The following SOX5 variants were observed in gnomAD, a reference collection of about 807,000 sequenced individuals.
SOX5 encodes the protein SRY-box transcription factor 5.
In SOX5, 9 loss-of-function variants were observed where a neutral mutation model predicts 92.0. The ratio of observed to expected loss-of-function variants is 0.10; its 90% CI spans 0.06 to 0.17. SOX5 has a LOEUF of 0.17. Among genes scored for constraint, SOX5 ranks in the 10% least tolerant of loss-of-function variants. The pLI, the probability that SOX5 is intolerant of heterozygous loss-of-function variation, is 1.00. For missense variants in SOX5, 642 were observed against 944.5 expected, an observed-to-expected ratio of 0.68 and a Z score of 4.20; for synonymous variants, 344 against 336.3, an observed-to-expected ratio of 1.02 and a Z score of -0.25.
intron 6 of SOX5, among the ~76,000 whole-genome samples, chr12:23,701,315 C>G (rs2140209451): frequency 6.6e-6 from 1 of 152,028 alleles, no homozygotes; most frequent in African/African-American, 2.4e-5. Context: ...CATACACAAG[C>G]TTTTCTTAAG....
At position 24,181,066 on chromosome 12, in the gene SOX5, C is replaced by T. The variant is rs74621044; in HGVS notation, c.-2+32277G>A. The stretch of plus-strand genomic sequence containing the variant: ...CAACACAATCTGTCTACATCCCCTG[C>T]TTCTCATCTAAAGAGCAAGATATTC... On this transcript the variant is annotated intron_variant, in intron 4 of 4. Coordinates refer to the SOX5 transcript ENST00000446891. Among the ~76,000 whole-genome samples the T allele has an allele frequency of 4.6e-5, 7 of 152,324 alleles. No individual in the cohort carries two copies. In the East Asian group the frequency reaches 1.4e-3, roughly 29 times the overall value.
intron 8 of SOX5, among the ~76,000 whole-genome samples, chr12:23,628,228 G>C (rs2078083463): frequency 6.6e-6 from 1 of 151,842 alleles, no homozygotes; most frequent in South Asian, 2.1e-4. Flanking sequence ...TTAAACCAAA[G>C]AATGAAAACC....
At chr12:24,178,244 CTTT>C (rs5797065) in intron 4 of SOX5, among the ~76,000 whole-genome samples, 13,212 of 109,576 alleles carry the variant, frequency 0.12, 755 homozygotes, top group Admixed American at 0.18. Context: ...AAGAGCTTGA[CTTT>C]TTTTTTTTTT....
intron 4 of SOX5, among the ~76,000 whole-genome samples, chr12:23,963,765 T>TAAAAAAAAAAAAAAAAAAAAAAAAAAAA (rs60053598): frequency 7.9e-6 from 1 of 125,856 alleles, no homozygotes. Context: ...ATGAATGAAG[T>TAAAAAAAAAAAAAAAAAAAAAAAAAAAA]AAAAAAAAAA....
At chr12:24,013,316 C>T (rs956654113) in intron 4 of SOX5, among the ~76,000 whole-genome samples, 25 of 152,196 alleles carry the variant, frequency 1.6e-4, no homozygotes, top group Admixed American at 7.9e-4. Context: ...TGTATATTTA[C>T]GAAACTTACT....
chr12:23,638,906 T>C (rs1278547020), intron 8 of SOX5, among the ~76,000 whole-genome samples: 1 of 151,902 alleles, frequency 6.6e-6, no homozygotes, highest in East Asian at 1.9e-4. Flanking sequence ...AAAAAACAAC[T>C]TTTTTATATG....
chr12:23,984,404 G>A (rs910085622), intron 4 of SOX5, among the ~76,000 whole-genome samples: 2 of 152,216 alleles, frequency 1.3e-5, no homozygotes, highest in African/African-American at 4.8e-5. Flanking sequence ...CTTCTAAACT[G>A]AAGCTGAGCT....
At chr12:23,942,410 A>G (rs539137329) in intron 1 of SOX5, among the ~76,000 whole-genome samples, 1 of 152,050 alleles carries the variant, frequency 6.6e-6, no homozygotes, top group East Asian at 1.9e-4. Flanking sequence ...GTAAACACTG[A>G]CAACATTCTG....
chr12:23,727,886 C>T (rs550126107), intron 6 of SOX5, among the ~76,000 whole-genome samples: 1 of 152,034 alleles, frequency 6.6e-6, no homozygotes, highest in Non-Finnish European at 1.5e-5. Context: ...AGCCATGTAG[C>T]ACGTGTTGTA....
intron 6 of SOX5, among the ~76,000 whole-genome samples, chr12:23,706,056 T>C (rs1198521988): frequency 1.3e-5 from 2 of 152,054 alleles, no homozygotes; most frequent in East Asian, 3.9e-4. Context: ...GTGAGATTAA[T>C]GACATGGTTG....
chr12:23,804,621 A>T (rs999777465), intron 3 of SOX5, among the ~76,000 whole-genome samples: 1 of 151,842 alleles, frequency 6.6e-6, no homozygotes, highest in Admixed American at 6.6e-5. Flanking sequence ...CTACATCCTC[A>T]ATAATTATTT....
chr12:24,316,948 G>A (rs1949748424), intron 2 of SOX5, among the ~76,000 whole-genome samples: 1 of 152,148 alleles, frequency 6.6e-6, no homozygotes, highest in Non-Finnish European at 1.5e-5. Context: ...CTTTTTAAAT[G>A]ATGGTAACCC....
intron 7 of SOX5, among the ~76,000 whole-genome samples, chr12:23,643,806 G>C (rs1282830115): frequency 6.6e-6 from 1 of 152,194 alleles, no homozygotes; most frequent in Non-Finnish European, 1.5e-5. Flanking sequence ...TAATCAGAAA[G>C]AGTGTGATCA....
At chr12:24,326,779 C>A (rs1950735011) in intron 2 of SOX5, among the ~76,000 whole-genome samples, 1 of 111,546 alleles carries the variant, frequency 9.0e-6, no homozygotes, top group African/African-American at 3.4e-5. Flanking sequence ...CCCACCCATT[C>A]ATACACACAC....
intron 1 of SOX5, among the ~76,000 whole-genome samples, chr12:23,917,545 G>A (rs988944323): frequency 2.0e-5 from 3 of 151,912 alleles, no homozygotes; most frequent in African/African-American, 7.3e-5. Context: ...AGAATGAGAC[G>A]CTGCCTCAAA....
At chr12:23,909,520 T>C (rs895942307) in intron 1 of SOX5, among the ~76,000 whole-genome samples, 7 of 152,174 alleles carry the variant, frequency 4.6e-5, no homozygotes, top group Non-Finnish European at 8.8e-5. Context: ...AAAGAAAAAC[T>C]TAATCAAATA....
At chr12:23,620,035 T>C (rs879944993) in intron 8 of SOX5, among the ~76,000 whole-genome samples, 3 of 152,014 alleles carry the variant, frequency 2.0e-5, no homozygotes, top group Admixed American at 1.3e-4. Context: ...AATAGAAGTA[T>C]ATGGTGCTCT....
chr12:23,945,814 A>G (rs1944496230), intron 1 of SOX5, among the ~76,000 whole-genome samples: 1 of 151,992 alleles, frequency 6.6e-6, no homozygotes, highest in South Asian at 2.1e-4. Context: ...TGTACTTATC[A>G]CTCATGAGCA....
chr12:24,485,489 G>C (rs183544556), intron 1 of SOX5, among the ~76,000 whole-genome samples: 14 of 152,150 alleles, frequency 9.2e-5, no homozygotes, highest in African/African-American at 2.9e-4. Context: ...GACCAGAAAG[G>C]CTCCAATTCG....
Sources: allele counts gnomAD v4.1 joint callset (sites outside exome capture counted in the v4.1 genomes callset), GRCh38; gene constraint gnomAD v4.1.1; transcripts MANE v1.5; gene names NCBI Gene and HGNC (gene_info 2026-07-23, HGNC 2026-07-21).